Variants in PLCG2 observed in about 807,000 individuals in gnomAD.
PLCG2 encodes phospholipase C gamma 2.
In PLCG2, 69 loss-of-function variants were observed where a neutral mutation model predicts 175.6. The observed-to-expected ratio is 0.39, with a 90% CI of 0.32 to 0.48. The LOEUF (loss-of-function observed/expected upper bound fraction) is 0.48, where lower values mean the gene tolerates loss of function less well. Among genes scored for constraint, PLCG2 ranks in the 20% least tolerant of loss-of-function variants. PLCG2 has a pLI of 0.91. For missense variants in PLCG2, 1,798 were observed against 1,650.9 expected (o/e 1.09, Z -1.54); for synonymous variants, 827 against 624.0 (o/e 1.33, Z -4.85).
intron 30 of PLCG2, among the ~76,000 whole-genome samples, chr16:81,942,506 A>G (rs148250391): frequency 6.6e-6 from 1 of 152,316 alleles, no homozygotes; most frequent in African/African-American, 2.4e-5. Flanking sequence ...AGGGTCTTCC[A>G]TACTGAAAAA....
At chr16:81,829,325 C>A (rs1040476814) in intron 2 of PLCG2, among the ~76,000 whole-genome samples, 1 of 152,088 alleles carries the variant, frequency 6.6e-6, no homozygotes, top group African/African-American at 2.4e-5. Flanking sequence ...GTCAGGCTGG[C>A]CTTGAACTCC....
At chr16:81,742,877 C>G (rs1372482818) in intron 1 of PLCG2, among the ~76,000 whole-genome samples, 3 of 152,198 alleles carry the variant, frequency 2.0e-5, no homozygotes, top group Non-Finnish European at 4.4e-5. Context: ...TCCCGCTCCT[C>G]TTGTTCTTCC....
At position 81,767,673 on chromosome 16, in the gene PLCG2, A is replaced by C. The variant is rs1443986677; in HGVS notation, c.-48+11707A>C. 4 of 152,104 alleles carry C rather than the reference A, an allele frequency of 2.6e-5. No individual in the cohort carries two copies. In the East Asian group the frequency reaches 7.7e-4, roughly 29 times the overall value. The allele number at this position is 152,104 out of a possible 1,614,324, so 9.4% of individuals were successfully genotyped here. A position where few individuals can be genotyped will look rare whatever the true frequency, so the allele number is the denominator to read the frequency against. ...TTTTTTAGTTCTATAAGTTTTGTCA[A>C]ATATGTAAAGTTGTAATCTCCAACA... is the stretch of plus-strand genomic sequence containing the variant. On this transcript the variant is annotated intron_variant, in intron 2 of 5. Transcript: ENST00000565054.
Position 81,960,800 on chromosome 16 carries a change from C to T in PLCG2, c.*2802C>T, listed in dbSNP as rs987296215. The T allele has an allele frequency of 1.3e-5, 3 of 229,520 alleles. No individual in the cohort carries two copies. Among genetic ancestry groups the T allele is most frequent in the South Asian group, 3.6e-4 (2 of 5,502 alleles). 14.2% of individuals were successfully genotyped at this position (229,520 alleles called of 1,614,324 possible). A position where few individuals can be genotyped will look rare whatever the true frequency, so the allele number is the denominator to read the frequency against. On this transcript the variant is annotated 3_prime_UTR_variant, in exon 33 of 33. Coordinates refer to ENST00000564138, the MANE Select transcript of PLCG2 (RefSeq NM_002661.5). Reference sequence around the variant, plus strand: ...GCCAGTGGCCTTTAGATTAAGCTAGCCTTACCCCTGGGAGTATACCAGAGC... The same window carrying T: ...GCCAGTGGCCTTTAGATTAAGCTAGTCTTACCCCTGGGAGTATACCAGAGC...
chr16:81,854,570 G>C lies in PLCG2; in HGVS notation c.320G>C (p.Ser107Thr). The stretch of plus-strand genomic sequence containing the variant: ...CTATATGGCACTCAGTTCGTCCTCA[G>C]CACGCTCAGCTTGGCAGGTAGGTGC... Reference protein sequence around the residue: ...TILYGTQFVLSTLSLAADSKE... With the variant: ...TILYGTQFVLTTLSLAADSKE... The change falls in exon 3 of 33, where the codon AGC becomes ACC. Residue 107 changes from serine (S) to threonine (T), a missense_variant. Physicochemically the swap from Ser to Thr is moderately conservative, Grantham distance 58. Coordinates refer to ENST00000564138, the MANE Select transcript of PLCG2 (RefSeq NM_002661.5). 1 of 1,613,984 alleles carries C rather than the reference G, an allele frequency of 6.2e-7. No individual in the cohort carries two copies. Among genetic ancestry groups the C allele is most frequent in the Non-Finnish European group, 8.5e-7 (1 of 1,179,844 alleles).
chr16:81,822,415 T>A (rs922878025), intron 2 of PLCG2, among the ~76,000 whole-genome samples: 5 of 151,678 alleles, frequency 3.3e-5, no homozygotes, highest in Non-Finnish European at 7.4e-5. Context: ...GATGGGAGAG[T>A]ATTCTGGGTT....
In PLCG2 at chr16:81,952,077, G is replaced by A. The variant is rs560584227; in HGVS notation, c.3571-4618G>A. On this transcript the variant is annotated intron_variant, in intron 31 of 32. Transcript: ENST00000564138. ...AATGGGACATCCCATTTGTGATACTGACAAAAACCATAACACATTTAGGAG... is the reference window on the plus strand; with the variant it reads ...AATGGGACATCCCATTTGTGATACTAACAAAAACCATAACACATTTAGGAG... 4.0e-5 allele frequency among the ~76,000 whole-genome samples: 6 copies of A among 151,870 alleles called. No homozygotes were observed. In the South Asian group the frequency reaches 1.0e-3, roughly 26 times the overall value.
chr16:81,906,980 G>T (rs543448930), intron 15 of PLCG2, among the ~76,000 whole-genome samples: 1 of 148,596 alleles, frequency 6.7e-6, no homozygotes, highest in Non-Finnish European at 1.5e-5. Flanking sequence ...GGAGGTTTCA[G>T]TGAGCTGAGA....
In PLCG2 at chr16:81,849,277, T is replaced by C. The variant is rs560893170; in HGVS notation, c.194-5167T>C. Among the ~76,000 whole-genome samples the C allele has an allele frequency of 1.3e-4, 20 of 152,246 alleles. No homozygotes were observed. The South Asian group carries it at 4.2e-3, about 32-fold the overall frequency. On this transcript the variant is annotated intron_variant, in intron 2 of 32. Coordinates refer to ENST00000564138, the MANE Select transcript of PLCG2 (RefSeq NM_002661.5). ...AGCTGCCTCCATAGACAAGAGATAA[T>C]GGTGGCTTGGATTGTGGTGTTGGCC...
chr16:81,856,888 A>G (rs549124155), intron 3 of PLCG2, among the ~76,000 whole-genome samples: 14 of 152,330 alleles, frequency 9.2e-5, no homozygotes, highest in African/African-American at 3.4e-4. Flanking sequence ...TCCCAGAGAA[A>G]GAGATGTGAG....
intron 2 of PLCG2, among the ~76,000 whole-genome samples, chr16:81,847,716 G>A (rs1176120090): frequency 2.0e-5 from 3 of 152,070 alleles, no homozygotes; most frequent in African/African-American, 7.2e-5. Context: ...CTTTTTTGTT[G>A]TCATTATTCC....
intron 7 of PLCG2, among the ~76,000 whole-genome samples, chr16:81,877,474 A>C (rs1907855747): frequency 6.6e-6 from 1 of 152,142 alleles, no homozygotes; most frequent in Non-Finnish European, 1.5e-5. Context: ...AAACAACAAA[A>C]CACAGAAGTT....
intron 30 of PLCG2, among the ~76,000 whole-genome samples, chr16:81,945,060 A>G (rs1233224521): frequency 6.6e-6 from 1 of 152,216 alleles, no homozygotes; most frequent in African/African-American, 2.4e-5. Flanking sequence ...AGAAATGACA[A>G]TACACCTTAG....
intron 31 of PLCG2, among the ~76,000 whole-genome samples, chr16:81,952,647 C>G (rs1006638146): frequency 6.6e-6 from 1 of 152,096 alleles, no homozygotes; most frequent in African/African-American, 2.4e-5. Flanking sequence ...TTCTAGCACA[C>G]AGAATGAAAT....
At chr16:81,840,340 G>A (rs1052971490) in intron 2 of PLCG2, among the ~76,000 whole-genome samples, 2 of 152,218 alleles carry the variant, frequency 1.3e-5, no homozygotes, top group Non-Finnish European at 2.9e-5. Flanking sequence ...CCGGTTTTGT[G>A]GAAGATAACT....
At chr16:81,862,855 G>C (rs894581033) in intron 5 of PLCG2, among the ~76,000 whole-genome samples, 8 of 152,114 alleles carry the variant, frequency 5.3e-5, no homozygotes, top group African/African-American at 1.9e-4. Flanking sequence ...CTGGGCAACA[G>C]AGTGAGATCC....
chr16:81,922,035 C>A (rs184360944), intron 21 of PLCG2, among the ~76,000 whole-genome samples: 30 of 152,296 alleles, frequency 2.0e-4, no homozygotes, highest in African/African-American at 7.0e-4. Flanking sequence ...GAACAGTCAC[C>A]TCTCTAACTG....
At chr16:81,778,049 A>ACAAAC (rs1597311867), upstream of PLCG2, among the ~76,000 whole-genome samples, 6 of 104,350 alleles carry the variant, frequency 5.7e-5, no homozygotes, top group African/African-American at 2.4e-4. Flanking sequence ...AAAACAAAAA[A>ACAAAC]AAAAACAAAA....
At chr16:81,892,279 C>T (rs560790573) in intron 11 of PLCG2, among the ~76,000 whole-genome samples, 20 of 152,256 alleles carry the variant, frequency 1.3e-4, no homozygotes, top group African/African-American at 4.3e-4. Flanking sequence ...GAGACCCTGA[C>T]GACTTTTAAC....
Sources: gnomAD v4.1 joint callset for allele counts (sites outside exome capture counted in the v4.1 genomes callset) on GRCh38, gnomAD v4.1.1 for gene constraint, MANE v1.5 for transcripts, NCBI Gene and HGNC (gene_info 2026-07-23, HGNC 2026-07-21) for gene names.